The following PCDH15 variants were observed in gnomAD, a reference collection of about 807,000 sequenced individuals.
PCDH15 encodes protocadherin-15.
In PCDH15, 129 loss-of-function variants were observed where a neutral mutation model predicts 178.5. That is an observed-to-expected ratio of 0.72 (90% CI 0.63 to 0.84). PCDH15 has a LOEUF of 0.84. PCDH15 is among the 40% of genes least tolerant of loss of function. PCDH15 has a pLI of 0.00. For missense variants in PCDH15, 2,230 were observed against 2,099.9 expected (o/e 1.06, Z -1.21); for synonymous variants, 800 against 732.0 (o/e 1.09, Z -1.50).
chr10:54,492,400 T>A (rs1379596446), intron 3 of PCDH15, among the ~76,000 whole-genome samples: 1 of 152,184 alleles, frequency 6.6e-6, no homozygotes, highest in African/African-American at 2.4e-5. Flanking sequence ...TTCAGAATGA[T>A]CATAAATGAA....
chr10:55,188,125 C>G (rs1020532646), intron 1 of PCDH15, among the ~76,000 whole-genome samples: 1 of 151,892 alleles, frequency 6.6e-6, no homozygotes, highest in African/African-American at 2.4e-5. Flanking sequence ...GATAAGCAAA[C>G]AGTTTAAAAC....
intron 3 of PCDH15, among the ~76,000 whole-genome samples, chr10:54,825,110 G>T (rs547526913): frequency 0.013 from 2,029 of 152,066 alleles, 42 homozygotes; most frequent in African/African-American, 0.047. Flanking sequence ...ACCTATGAGT[G>T]AGAACATGCG....
chr10:54,952,091 T>C (rs189125985), intron 2 of PCDH15, among the ~76,000 whole-genome samples: 8 of 151,956 alleles, frequency 5.3e-5, no homozygotes, highest in Admixed American at 4.6e-4. Flanking sequence ...CATGCATTTG[T>C]TGTGCCTAAA....
At chr10:55,571,305 G>A (rs1160076963) in intron 2 of PCDH15, among the ~76,000 whole-genome samples, 1 of 151,994 alleles carries the variant, frequency 6.6e-6, no homozygotes, top group Non-Finnish European at 1.5e-5. Flanking sequence ...ACAGCCTGTA[G>A]AACTGTGAGC....
intron 15 of PCDH15, among the ~76,000 whole-genome samples, chr10:54,103,387 C>A (rs1395989800): frequency 1.3e-5 from 2 of 152,156 alleles, no homozygotes; most frequent in African/African-American, 4.8e-5. Flanking sequence ...TGAGCGCCAC[C>A]ACTTGGCCCA....
intron 11 of PCDH15, among the ~76,000 whole-genome samples, chr10:54,192,146 AAG>A (rs2049088486): frequency 1.1e-5 from 1 of 88,008 alleles, no homozygotes; most frequent in Non-Finnish European, 2.0e-5. Context: ...AAGAGAAAGA[AAG>A]AAAGAAAAAG....
chr10:55,232,453 C>T (rs1266682774), intron 1 of PCDH15, among the ~76,000 whole-genome samples: 2 of 152,018 alleles, frequency 1.3e-5, no homozygotes, highest in South Asian at 2.1e-4. Flanking sequence ...AAAAAAGTTA[C>T]AAATAATCTG....
chr10:54,469,393 C>T (rs900880235), intron 3 of PCDH15, among the ~76,000 whole-genome samples: 5 of 152,126 alleles, frequency 3.3e-5, no homozygotes, highest in Non-Finnish European at 7.4e-5. Flanking sequence ...CAGCATGCTG[C>T]CCCCATCCCT....
chr10:54,037,774 C>A (rs10825201), intron 18 of PCDH15, among the ~76,000 whole-genome samples: 90,325 of 151,364 alleles, frequency 0.6, 29,605 homozygotes, highest in Middle Eastern at 0.75. Context: ...TACCAAGAAT[C>A]TTTGCAGATA....
chr10:54,097,760 G>A (rs1051449358), intron 15 of PCDH15, among the ~76,000 whole-genome samples: 1 of 152,096 alleles, frequency 6.6e-6, no homozygotes, highest in Non-Finnish European at 1.5e-5. Flanking sequence ...ATGAATGAAA[G>A]AATTTTGGAA....
intron 26 of PCDH15, among the ~76,000 whole-genome samples, chr10:53,874,903 T>TA (rs147645722): frequency 7.9e-5 from 12 of 151,132 alleles, no homozygotes; most frequent in South Asian, 6.3e-4. Flanking sequence ...CTTTTAGAAA[T>TA]AAAAAAAAAT....
intron 2 of PCDH15, among the ~76,000 whole-genome samples, chr10:54,930,083 T>C (rs1167521397): frequency 1.3e-5 from 2 of 152,136 alleles, no homozygotes; most frequent in Non-Finnish European, 2.9e-5. Context: ...ATAGTAAAAG[T>C]CTACCTGGGG....
chr10:53,971,690 T>G (rs1478179800), intron 21 of PCDH15, among the ~76,000 whole-genome samples: 2 of 152,166 alleles, frequency 1.3e-5, no homozygotes, highest in Non-Finnish European at 2.9e-5. Flanking sequence ...CATTCACAAT[T>G]GCTTCAAAGA....
At chr10:54,563,822 T>C (rs985565984) in intron 2 of PCDH15, among the ~76,000 whole-genome samples, 9 of 152,090 alleles carry the variant, frequency 5.9e-5, no homozygotes. Context: ...CCAAATACTT[T>C]TAAAAATACA....
intron 2 of PCDH15, among the ~76,000 whole-genome samples, chr10:55,050,374 A>G (rs1186098943): frequency 6.6e-6 from 1 of 152,014 alleles, no homozygotes; most frequent in Non-Finnish European, 1.5e-5. Context: ...TAAATGTCCA[A>G]TATATTTCAG....
chr10:55,127,497 AC>A (rs1837931085), intron 2 of PCDH15, among the ~76,000 whole-genome samples: 2 of 151,910 alleles, frequency 1.3e-5, no homozygotes, highest in African/African-American at 4.8e-5. Flanking sequence ...ACCAAGTAAT[AC>A]CCCTGCTCTA....
At chr10:54,140,596 C>T (rs1441617913) in intron 14 of PCDH15, among the ~76,000 whole-genome samples, 3 of 151,932 alleles carry the variant, frequency 2.0e-5, no homozygotes, top group Non-Finnish European at 4.4e-5. Flanking sequence ...AGCCTCAGTC[C>T]TCAGCTGGGA....
intron 2 of PCDH15, among the ~76,000 whole-genome samples, chr10:54,962,099 T>C (rs1383276274): frequency 1.3e-5 from 2 of 152,214 alleles, no homozygotes; most frequent in African/African-American, 4.8e-5. Flanking sequence ...GGGACAAGAA[T>C]TTGGGATCCA....
chr10:54,423,755 G>T (rs1426176647), intron 3 of PCDH15, among the ~76,000 whole-genome samples: 1 of 151,872 alleles, frequency 6.6e-6, no homozygotes, highest in Non-Finnish European at 1.5e-5. Context: ...GACAGAATGA[G>T]ATTTAGCTCA....
Sources: allele counts gnomAD v4.1 joint callset (sites outside exome capture counted in the v4.1 genomes callset), GRCh38; gene constraint gnomAD v4.1.1; transcripts MANE v1.5; gene names NCBI Gene and HGNC (gene_info 2026-07-23, HGNC 2026-07-21).